The following FAM98B variants were observed in gnomAD, a reference collection of about 807,000 sequenced individuals.
The protein encoded by FAM98B is tRNA-splicing ligase complex subunit FAM98B.
A neutral mutation model predicts 43.9 loss-of-function variants in FAM98B; 32 were observed. The observed-to-expected ratio is 0.73, with a 90% CI of 0.55 to 0.98. The LOEUF is 0.98. Among genes scored for constraint, FAM98B ranks in the 50% least tolerant of loss-of-function variants. The probability of loss-of-function intolerance (pLI) is 0.00; values close to 1 mark genes in which losing one functional copy is unlikely to be tolerated. For synonymous variants in FAM98B, 190 were observed against 174.0 expected, an observed-to-expected ratio of 1.09 and a Z score of -0.72; for missense variants, 514 against 522.9, an observed-to-expected ratio of 0.98 and a Z score of 0.17.
chr15:38,465,646 C>G (rs1183671379), intron 3 of FAM98B, among the ~76,000 whole-genome samples: 1 of 151,946 alleles, frequency 6.6e-6, no homozygotes. Flanking sequence ...TTATATAGTA[C>G]TTTAGTAATT....
intron 4 of FAM98B, 50 bp from the exon 5 acceptor site, chr15:38,473,455 T>C (rs748286460): frequency 1.0e-5 from 14 of 1,345,806 alleles, no homozygotes; most frequent in Non-Finnish European, 1.5e-5. Context: ...CATAAGATTG[T>C]TTTAAATTAG....
intron 5 of FAM98B, 51 bp from the exon 6 acceptor site, chr15:38,474,131 T>C (rs1372356036): frequency 7.4e-7 from 1 of 1,357,506 alleles, no homozygotes; most frequent in Non-Finnish European, 1.1e-6. Context: ...TTCTTTTCTT[T>C]GCAGAATGAA....
In FAM98B at chr15:38,454,199, A is replaced by C. The variant is rs1889810395; in HGVS notation, c.38A>C (p.Glu13Ala). ...GPEPGPQPTMEGDVLDTLEAL... is the reference protein window; with the variant it reads ...GPEPGPQPTMAGDVLDTLEAL... ...GAGCCGGGTCCCCAACCGACGATGG[A>C]GGGAGACGTGCTGGACACACTGGAG... Residue 13 changes from glutamate (E) to alanine (A), a missense_variant, in exon 1 of 8, where the codon GAG becomes GCG. By Grantham distance (107) the Glu-to-Ala change is moderately radical (BLOSUM62 -1). Around this residue, in one of 2 missense-constraint regions of FAM98B, gnomAD observed 469 missense variants for 451.8 expected, o/e 1.04. Transcript: ENST00000397609. 6.2e-7 allele frequency: 1 copy of C among 1,604,362 alleles called. No individual in the cohort carries two copies. The highest frequency in any genetic ancestry group is 8.5e-7 in the Non-Finnish European group (1 of 1,176,710).
intron 4 of FAM98B, among the ~76,000 whole-genome samples, chr15:38,471,421 C>T (rs755522702): frequency 3.9e-5 from 6 of 152,088 alleles, no homozygotes; most frequent in Middle Eastern, 6.8e-3. Flanking sequence ...GAAGACTGAT[C>T]TGGGGTTGGC....
intron 1 of FAM98B, chr15:38,459,009 C>T: frequency 2.9e-6 from 1 of 346,376 alleles, no homozygotes; most frequent in Non-Finnish European, 5.9e-6. Flanking sequence ...ATAGGTGAGC[C>T]CGGAACACCC....
intron 1 of FAM98B, chr15:38,459,300 A>G (rs1889908248): frequency 4.0e-6 from 2 of 499,444 alleles, no homozygotes; most frequent in South Asian, 1.5e-5. Flanking sequence ...GGGATCCGAT[A>G]AAACTGGTAC....
rs929346821 is a variant in FAM98B at position 38,480,209 on chromosome 15, G to A, written c.730-1083G>A. Among the ~76,000 whole-genome samples, 3 of 152,222 alleles carry A rather than the reference G, an allele frequency of 2.0e-5. No individual in the cohort carries two copies. The South Asian group carries it at 6.2e-4, about 32-fold the overall frequency. ...TAAATTGAAAATTAAACCTCAAACA[G>A]TTAACTTTTTGTTCTCTTTGGAATT... On this transcript the variant is annotated intron_variant, in intron 6 of 7. Coordinates refer to ENST00000397609, the MANE Select transcript of FAM98B (RefSeq NM_173611.4).
At chr15:38,472,521 A>G (rs552895842) in intron 4 of FAM98B, among the ~76,000 whole-genome samples, 137 of 152,136 alleles carry the variant, frequency 9.0e-4, no homozygotes, top group African/African-American at 2.9e-3. Context: ...TAATCATGCC[A>G]TAAAGTTTGC....
chr15:38,475,279 G>A (rs538909389), intron 6 of FAM98B, among the ~76,000 whole-genome samples: 28 of 152,216 alleles, frequency 1.8e-4, no homozygotes, highest in South Asian at 1.5e-3. Context: ...CATAAGTGTG[G>A]TGCTTCTGTT....
intron 5 of FAM98B, 71 bp from the exon 6 acceptor site, chr15:38,474,111 A>G (rs1890162776): frequency 4.3e-6 from 5 of 1,170,432 alleles, no homozygotes; most frequent in African/African-American, 3.0e-5. Flanking sequence ...ACTTAGCACA[A>G]TTTTCAGATT....
intron 6 of FAM98B, among the ~76,000 whole-genome samples, chr15:38,475,344 G>A (rs1249817693): frequency 6.6e-6 from 1 of 152,054 alleles, no homozygotes; most frequent in African/African-American, 2.4e-5. Flanking sequence ...AGTTTCCTAT[G>A]GCTGCTGTGA....
At position 38,454,237 on chromosome 15, in the gene FAM98B, G is replaced by C. The variant is rs762032051; in HGVS notation, c.71+5G>C. The C allele has an allele frequency of 6.3e-7, 1 of 1,599,656 alleles. No homozygotes were observed. The highest frequency in any genetic ancestry group is 1.1e-5 in the South Asian group (1 of 87,672). Reference sequence around the variant, plus strand: ...GGACACACTGGAGGCGCTGGGGTGAGTGCTTTTGGAGACGCCTTTTCCCTG... The same window carrying C: ...GGACACACTGGAGGCGCTGGGGTGACTGCTTTTGGAGACGCCTTTTCCCTG... On this transcript the variant is annotated splice_donor_5th_base_variant and intron_variant, in intron 1 of 7. Coordinates refer to ENST00000397609, the MANE Select transcript of FAM98B (RefSeq NM_173611.4).
chr15:38,456,419 A>G (rs545571949), intron 1 of FAM98B, among the ~76,000 whole-genome samples: 3 of 152,196 alleles, frequency 2.0e-5, no homozygotes, highest in African/African-American at 7.2e-5. Flanking sequence ...AGATTCACAG[A>G]CTCAGTTGAG....
intron 6 of FAM98B, among the ~76,000 whole-genome samples, chr15:38,480,886 T>C (rs558639811): frequency 6.6e-6 from 1 of 152,054 alleles, no homozygotes; most frequent in Non-Finnish European, 1.5e-5. Flanking sequence ...GGGGGAAAAC[T>C]GACAATAATA....
In FAM98B at chr15:38,474,277, T is replaced by C; in HGVS notation, c.708T>C (p.Phe236=). 1 of 1,612,862 alleles carries C rather than the reference T, an allele frequency of 6.2e-7. No individual in the cohort carries two copies. Residue 236 remains phenylalanine (F), a synonymous_variant, in exon 6 of 8, where the codon TTT becomes TTC. Transcript: ENST00000397609. ...GATTAGATGTGACTGTACAGTCCTT[T>C]GGATGGTCTGATAGAGCAAAGGTAA... is the stretch of plus-strand genomic sequence containing the variant. ...MKRLDVTVQS[F]GWSDRAKVKT...
intron 1 of FAM98B, among the ~76,000 whole-genome samples, chr15:38,460,246 T>C (rs956062728): frequency 6.6e-6 from 1 of 152,218 alleles, no homozygotes; most frequent in Admixed American, 6.5e-5. Flanking sequence ...AGGAGCATGG[T>C]TATTCTCTGT....
Position 38,484,611 on chromosome 15 carries a change from T to A in FAM98B, c.1254T>A (p.Gly418=), listed in dbSNP as rs1266851272. Residue 418 remains glycine (G), a synonymous_variant, in exon 8 of 8, where the codon GGT becomes GGA. Coordinates refer to ENST00000397609, the MANE Select transcript of FAM98B (RefSeq NM_173611.4). ...RGYGDPYGGG[G]GGGGGGGGGG... ...ATGGAGATCCATATGGAGGAGGTGGTGGTGGTGGTGGTGGTGGTGGTGGAG... is the reference window on the plus strand; with the variant it reads ...ATGGAGATCCATATGGAGGAGGTGGAGGTGGTGGTGGTGGTGGTGGTGGAG... The A allele has an allele frequency of 3.2e-5, 28 of 862,014 alleles. No homozygotes were observed. The highest frequency in any genetic ancestry group is 3.9e-5 in the Non-Finnish European group (26 of 664,744). 53.4% of individuals were successfully genotyped at this position (862,014 alleles called of 1,614,324 possible).
intron 7 of FAM98B, chr15:38,481,737 T>A: frequency 1.0e-6 from 1 of 955,054 alleles, no homozygotes; most frequent in Non-Finnish European, 1.5e-6. Flanking sequence ...TTCTAAAAAG[T>A]AATCATTTTT....
At chr15:38,468,742 A>G (rs970141936) in intron 3 of FAM98B, among the ~76,000 whole-genome samples, 1 of 152,004 alleles carries the variant, frequency 6.6e-6, no homozygotes, top group Non-Finnish European at 1.5e-5. Flanking sequence ...CAGATGCCCA[A>G]CTCCTACTTG....
Sources: allele counts gnomAD v4.1 joint callset (sites outside exome capture counted in the v4.1 genomes callset), GRCh38; gene constraint gnomAD v4.1.1; regional missense constraint gnomAD v4.1.1; transcripts MANE v1.5; gene names NCBI Gene and HGNC (gene_info 2026-07-23, HGNC 2026-07-21).